CIMIP6: variants seen among roughly 807,000 people sequenced by gnomAD.
The protein encoded by CIMIP6 is uncharacterized protein C2orf73.
chr2:54,351,092 G>A, the CIMIP6 span, among the ~76,000 whole-genome samples: 1 of 152,048 alleles, frequency 6.6e-6, no homozygotes, highest in Non-Finnish European at 1.5e-5. Flanking sequence ...TTTAAATACT[G>A]TATAAAATAA....
the CIMIP6 span, among the ~76,000 whole-genome samples, chr2:54,351,587 C>T: frequency 1.3e-4 from 20 of 152,124 alleles, no homozygotes; most frequent in African/African-American, 4.8e-4. Context: ...CACATGGACA[C>T]AAGGGAACAA....
chr2:54,382,611 G>T, the CIMIP6 span, among the ~76,000 whole-genome samples: 1 of 151,930 alleles, frequency 6.6e-6, no homozygotes, highest in African/African-American at 2.4e-5. Context: ...CTTCCCTTCA[G>T]TCTTAACCTC....
the CIMIP6 span, among the ~76,000 whole-genome samples, chr2:54,376,816 T>C: frequency 6.6e-6 from 1 of 152,168 alleles, no homozygotes; most frequent in African/African-American, 2.4e-5. Context: ...AGCTGAAGTA[T>C]TTGGAAAAAG....
the CIMIP6 span, among the ~76,000 whole-genome samples, chr2:54,361,917 T>G: frequency 6.6e-6 from 1 of 152,160 alleles, no homozygotes; most frequent in Non-Finnish European, 1.5e-5. Flanking sequence ...TGCATAAAGC[T>G]AGAACTCTCA....
the CIMIP6 span, among the ~76,000 whole-genome samples, chr2:54,354,699 G>A: frequency 2.0e-5 from 3 of 151,848 alleles, no homozygotes; most frequent in Non-Finnish European, 4.4e-5. Flanking sequence ...TGTTTACTTT[G>A]CCATACTCTT....
chr2:54,383,712 A>G, the CIMIP6 span: 3 of 152,070 alleles, frequency 2.0e-5, no homozygotes, highest in East Asian at 5.8e-4. Context: ...TAAAAAAAAA[A>G]AAACTACATT....
the CIMIP6 span, among the ~76,000 whole-genome samples, chr2:54,362,766 C>T: frequency 5.9e-5 from 9 of 152,230 alleles, no homozygotes; most frequent in African/African-American, 1.9e-4. Context: ...AGGCTGTTCT[C>T]AAACTCCTGA....
chr2:54,335,243 A>G, the CIMIP6 span, among the ~76,000 whole-genome samples: 1 of 152,174 alleles, frequency 6.6e-6, no homozygotes, highest in Non-Finnish European at 1.5e-5. Flanking sequence ...GTTTCCCTAG[A>G]TTGGGTCAGA....
chr2:54,342,283 A>G, the CIMIP6 span, among the ~76,000 whole-genome samples: 2 of 152,186 alleles, frequency 1.3e-5, no homozygotes, highest in Non-Finnish European at 2.9e-5. Flanking sequence ...AGTTGAATGA[A>G]TAGTTCTGAC....
the CIMIP6 span, among the ~76,000 whole-genome samples, chr2:54,345,962 A>G: frequency 2.0e-5 from 3 of 152,238 alleles, no homozygotes; most frequent in Non-Finnish European, 4.4e-5. Context: ...TGGAGTTAAT[A>G]TCTTCAAAGT....
the CIMIP6 span, among the ~76,000 whole-genome samples, chr2:54,338,624 T>C: frequency 2.7e-5 from 2 of 75,170 alleles, 1 homozygote; most frequent in Admixed American, 2.5e-4. Flanking sequence ...TAATGCTGTC[T>C]TTATAATAAG....
At chr2:54,336,557 G>A in the CIMIP6 span, among the ~76,000 whole-genome samples, 25 of 152,206 alleles carry the variant, frequency 1.6e-4, no homozygotes, top group South Asian at 5.2e-3. Context: ...AAATATTTTT[G>A]TCAGTTACTG....
the CIMIP6 span, among the ~76,000 whole-genome samples, chr2:54,352,422 A>G: frequency 6.6e-6 from 1 of 152,218 alleles, no homozygotes; most frequent in Non-Finnish European, 1.5e-5. Context: ...TGTGATTATT[A>G]CAGACAGTGT....
At chr2:54,347,556 G>A in the CIMIP6 span, among the ~76,000 whole-genome samples, 17 of 152,286 alleles carry the variant, frequency 1.1e-4, no homozygotes, top group Admixed American at 1.1e-3. Flanking sequence ...TACTCAAGTT[G>A]AAGGGATGTA....
the CIMIP6 span, among the ~76,000 whole-genome samples, chr2:54,349,951 G>A: frequency 1.3e-5 from 2 of 151,574 alleles, no homozygotes; most frequent in Non-Finnish European, 2.9e-5. Flanking sequence ...CCGGGCTCAA[G>A]AGATTCTCCT....
the CIMIP6 span, among the ~76,000 whole-genome samples, chr2:54,356,826 T>C: frequency 6.6e-6 from 1 of 152,228 alleles, no homozygotes; most frequent in East Asian, 1.9e-4. Context: ...GTCTATTTTA[T>C]TACCAAATGC....
the CIMIP6 span, among the ~76,000 whole-genome samples, chr2:54,354,075 C>A: frequency 6.6e-6 from 1 of 152,134 alleles, no homozygotes; most frequent in East Asian, 1.9e-4. Context: ...ATAGAGTGAA[C>A]CACTTTTCTG....
chr2:54,360,432 AG>A, the CIMIP6 span: 3 of 1,595,806 alleles, frequency 1.9e-6, no homozygotes, highest in African/African-American at 4.0e-5. Flanking sequence ...GACGTCAGAC[AG>A]GCAGCCAAGG....
the CIMIP6 span, chr2:54,360,379 T>C: frequency 7.5e-6 from 12 of 1,609,516 alleles, no homozygotes; most frequent in Admixed American, 1.7e-5. Flanking sequence ...GCCAACAAAA[T>C]TCTCAGGAGC....
Sources: gnomAD v4.1 joint callset for allele counts (sites outside exome capture counted in the v4.1 genomes callset) on GRCh38, gnomAD v4.1.1 for gene constraint, MANE v1.5 for transcripts, NCBI Gene and HGNC (gene_info 2026-07-23, HGNC 2026-07-21) for gene names.